The following CEP41 variants were observed in gnomAD, a reference collection of about 807,000 sequenced individuals.
CEP41 encodes centrosomal protein 41, also known as centrosomal protein of 41 kDa.
A neutral mutation model predicts 44.3 loss-of-function variants in CEP41; 32 were observed. The ratio of observed to expected loss-of-function variants is 0.72; its 90% CI spans 0.54 to 0.97. CEP41 has a LOEUF of 0.97. Among genes scored for constraint, CEP41 ranks in the 50% least tolerant of loss-of-function variants. The probability of loss-of-function intolerance (pLI) is 0.00; values close to 1 mark genes in which losing one functional copy is unlikely to be tolerated. For missense variants in CEP41, 432 were observed against 455.2 expected, an observed-to-expected ratio of 0.95 and a Z score of 0.46; for synonymous variants, 151 against 168.5, an observed-to-expected ratio of 0.90 and a Z score of 0.80.
At chr7:130,403,177 G>T (rs1453849120) in intron 6 of CEP41, among the ~76,000 whole-genome samples, 1 of 152,196 alleles carries the variant, frequency 6.6e-6, no homozygotes, top group Non-Finnish European at 1.5e-5. Context: ...AATATGGTTG[G>T]TAGGACAGGA....
Position 130,402,612 on chromosome 7 carries a change from TGA to T in CEP41, c.574+34_574+35del, listed in dbSNP as rs1164438604. 3.1e-6 allele frequency: 5 copies of T among 1,612,494 alleles called. No homozygotes were observed. In the African/African-American group the frequency reaches 5.3e-5, roughly 17 times the overall value. On this transcript the variant is annotated intron_variant, in intron 7 of 10. Transcript: ENST00000223208. ...GACTCAAGAGCAGGCTCTCTGTTCTTGAGAGTGAGGCACTTTAAAGCCTTCTC... is the reference window on the plus strand; with the variant it reads ...GACTCAAGAGCAGGCTCTCTGTTCTTGAGTGAGGCACTTTAAAGCCTTCTC...
At chr7:130,421,320 T>C in intron 2 of CEP41, 1 of 985,438 alleles carries the variant, frequency 1.0e-6, no homozygotes, top group Non-Finnish European at 1.2e-6. Flanking sequence ...AAGAGACAAC[T>C]CCATGGCTTT....
At chr7:130,426,095 C>T (rs578097694) in intron 2 of CEP41, among the ~76,000 whole-genome samples, 1 of 152,306 alleles carries the variant, frequency 6.6e-6, no homozygotes, top group African/African-American at 2.4e-5. Flanking sequence ...GTCAATATCA[C>T]AGTTGTGATA....
At chr7:130,436,544 G>C (rs1554426184) in intron 1 of CEP41, among the ~76,000 whole-genome samples, 1 of 151,518 alleles carries the variant, frequency 6.6e-6, no homozygotes, top group African/African-American at 2.4e-5. Context: ...TACATACATT[G>C]TGCAAATTTC....
chr7:130,396,520 T>G lies in CEP41; in HGVS notation c.*2371A>C, dbSNP rs782667875. 5 of 454,458 alleles carry G rather than the reference T, an allele frequency of 1.1e-5. No individual in the cohort carries two copies. Among genetic ancestry groups the G allele is most frequent in the South Asian group, 7.8e-5 (5 of 64,482 alleles). The allele number at this position is 454,458 out of a possible 1,614,324, so 28.2% of individuals were successfully genotyped here. A position where few individuals can be genotyped will look rare whatever the true frequency, so the allele number is the denominator to read the frequency against. ...AAGTTGGCAGTTTTCAGCATATTAA[T>G]AGCAAACGACAAATTAGTAACTATG... On this transcript the variant is annotated 3_prime_UTR_variant, in exon 11 of 11. Transcript: ENST00000223208.
Position 130,398,812 on chromosome 7 carries a change from G to T in CEP41, c.*79C>A. The T allele has an allele frequency of 6.5e-7, 1 of 1,542,474 alleles. No individual in the cohort carries two copies. Among genetic ancestry groups the T allele is most frequent in the Non-Finnish European group, 9.0e-7 (1 of 1,116,730 alleles). On this transcript the variant is annotated 3_prime_UTR_variant, in exon 11 of 11. Coordinates refer to ENST00000223208, the MANE Select transcript of CEP41 (RefSeq NM_018718.3). ...TGGTCTTTCCTCTGCAGAAGTTTCTGGAAATGACCCAACTTGGGAAATGCT... is the reference window on the plus strand; with the variant it reads ...TGGTCTTTCCTCTGCAGAAGTTTCTTGAAATGACCCAACTTGGGAAATGCT...
chr7:130,416,810 C>T, intron 3 of CEP41, 109 bp downstream of exon 3: 1 of 879,314 alleles, frequency 1.1e-6, no homozygotes, highest in East Asian at 2.4e-5. Flanking sequence ...ATCGGACCAT[C>T]CATAGCTCTC....
At chr7:130,418,378 G>A (rs1797399144) in intron 2 of CEP41, among the ~76,000 whole-genome samples, 1 of 152,182 alleles carries the variant, frequency 6.6e-6, no homozygotes, top group Non-Finnish European at 1.5e-5. Flanking sequence ...ATTTCTTCCT[G>A]GACACACATC....
intron 5 of CEP41, 68 bp downstream of exon 5, chr7:130,411,054 T>C (rs957686141): frequency 1.5e-6 from 2 of 1,329,742 alleles, no homozygotes; most frequent in Non-Finnish European, 2.2e-6. Flanking sequence ...ACAGCAAATG[T>C]GTACAGGGTG....
In CEP41 at chr7:130,412,231, T is replaced by C; in HGVS notation, c.155A>G (p.Tyr52Cys). The change falls in exon 4 of 11, where the codon TAC (tyrosine) becomes TGC (cysteine). Residue 52 changes from tyrosine (Y) to cysteine (C), a missense_variant. Tyr to Cys is a radical substitution (Grantham distance 194). Coordinates refer to ENST00000223208, the MANE Select transcript of CEP41 (RefSeq NM_018718.3). Reference sequence around the variant, plus strand: ...TCTCTTGAAAAGCTCATCTTTTTTGTATCTATAATCTGAAAAATATGGTAA... The same window carrying C: ...TCTCTTGAAAAGCTCATCTTTTTTGCATCTATAATCTGAAAAATATGGTAA... Reference protein sequence around the residue: ...KLEEIKKNYRYKKDELFKRLK... With the variant: ...KLEEIKKNYRCKKDELFKRLK... 2.0e-6 allele frequency: 3 copies of C among 1,512,446 alleles called. No individual in the cohort carries two copies. Among genetic ancestry groups the C allele is most frequent in the Non-Finnish European group, 2.8e-6 (3 of 1,087,488 alleles). 93.7% of individuals were successfully genotyped at this position (1,512,446 alleles called of 1,614,324 possible).
At position 130,395,713 on chromosome 7, in the gene CEP41, T is replaced by G. The variant is rs1796637790; in HGVS notation, c.*3178A>C. On this transcript the variant is annotated 3_prime_UTR_variant, in exon 11 of 11. Transcript: ENST00000223208. Reference sequence around the variant, plus strand: ...GAGAAAACACGATTTTTTGTTTTGTTCTGTTTTCTTGGTCGAGTAGCCTAA... The same window carrying G: ...GAGAAAACACGATTTTTTGTTTTGTGCTGTTTTCTTGGTCGAGTAGCCTAA... 1 of 453,740 alleles carries G rather than the reference T, an allele frequency of 2.2e-6. No individual in the cohort carries two copies. Among genetic ancestry groups the G allele is most frequent in the South Asian group, 1.6e-5 (1 of 64,408 alleles). The allele number at this position is 453,740 out of a possible 1,614,324, so 28.1% of individuals were successfully genotyped here.
chr7:130,441,018 A>C (rs1667535496), upstream of CEP41: 1 of 1,594,018 alleles, frequency 6.3e-7, no homozygotes, highest in Non-Finnish European at 8.6e-7. Flanking sequence ...GTTGCCTCTA[A>C]CCCTAGCTTC....
rs1554415008 is a variant in CEP41 at position 130,397,102 on chromosome 7, TGTGGA to T, written c.*1784_*1788del. The T allele has an allele frequency of 2.2e-6, 1 of 454,388 alleles. No individual in the cohort carries two copies. Among genetic ancestry groups the T allele is most frequent in the Non-Finnish European group, 4.4e-6 (1 of 226,754 alleles). The allele number at this position is 454,388 out of a possible 1,614,324, so 28.1% of individuals were successfully genotyped here. A position where few individuals can be genotyped will look rare whatever the true frequency, so the allele number is the denominator to read the frequency against. On this transcript the variant is annotated 3_prime_UTR_variant, in exon 11 of 11. Coordinates refer to ENST00000223208, the MANE Select transcript of CEP41 (RefSeq NM_018718.3). ...TTGTCCATGCTAGGGGAAAGCTGAG[TGTGGA>T]AAAATGTGCATTTTTCTATCTATGC...
chr7:130,402,818 G>A lies in CEP41; in HGVS notation c.423-19C>T, dbSNP rs782406159. On this transcript the variant is annotated intron_variant, in intron 6 of 10. Transcript: ENST00000223208. ...GATGACACTGCAAGTGAAAAAGTAG[G>A]TCAGCAGAAACTAGTCAGAGGTTGG... The A allele has an allele frequency of 6.2e-7, 1 of 1,614,088 alleles. No homozygotes were observed. The highest frequency in any genetic ancestry group is 8.5e-7 in the Non-Finnish European group (1 of 1,179,942).
intron 2 of CEP41, among the ~76,000 whole-genome samples, chr7:130,427,397 T>C (rs1797695546): frequency 6.6e-6 from 1 of 152,220 alleles, no homozygotes; most frequent in South Asian, 2.1e-4. Context: ...TCATTTTACC[T>C]GCACTGCAGC....
At chr7:130,438,460 G>A (rs570573906) in intron 1 of CEP41, among the ~76,000 whole-genome samples, 123 of 152,292 alleles carry the variant, frequency 8.1e-4, no homozygotes, top group Admixed American at 1.4e-3. Context: ...CCAGGAAGCT[G>A]AGGCTGGATA....
Position 130,394,346 on chromosome 7 carries a change from G to A in CEP41, c.*4545C>T. On this transcript the variant is annotated 3_prime_UTR_variant, in exon 11 of 11. Transcript: ENST00000223208. Reference sequence around the variant, plus strand: ...ATGGGGGTGCCTGCCTCATCAGACTGTTGTGGAAATTAAATGGGTCAAAAC... The same window carrying A: ...ATGGGGGTGCCTGCCTCATCAGACTATTGTGGAAATTAAATGGGTCAAAAC... The A allele has an allele frequency of 2.2e-6, 1 of 454,082 alleles. No individual in the cohort carries two copies. Among genetic ancestry groups the A allele is most frequent in the Non-Finnish European group, 4.4e-6 (1 of 226,798 alleles). The allele number at this position is 454,082 out of a possible 1,614,324, so 28.1% of individuals were successfully genotyped here.
intron 3 of CEP41, among the ~76,000 whole-genome samples, chr7:130,415,316 T>C (rs1418370563): frequency 6.6e-6 from 1 of 152,190 alleles, no homozygotes; most frequent in African/African-American, 2.4e-5. Flanking sequence ...TCTCCTCCCT[T>C]TCAACCCCAA....
chr7:130,417,779 G>A (rs1272918215), intron 2 of CEP41, among the ~76,000 whole-genome samples: 11 of 152,116 alleles, frequency 7.2e-5, no homozygotes, highest in African/African-American at 2.7e-4. Flanking sequence ...CACCTAAAAG[G>A]TATGGCAAAA....
Sources: gnomAD v4.1 joint callset for allele counts (sites outside exome capture counted in the v4.1 genomes callset) on GRCh38, gnomAD v4.1.1 for gene constraint, MANE v1.5 for transcripts, NCBI Gene and HGNC (gene_info 2026-07-23, HGNC 2026-07-21) for gene names.